Variants in WDR49 observed in about 807,000 individuals in gnomAD.
The protein encoded by WDR49 is WD repeat domain 49.
WDR49 carries 107 observed loss-of-function variants against 119.5 expected under a neutral mutation model. That is an observed-to-expected ratio of 0.90 (90% CI 0.77 to 1.05). The LOEUF is 1.05. WDR49 is among the 50% of genes least tolerant of loss of function. WDR49 has a pLI of 0.00. For missense variants in WDR49, 1,240 were observed against 1,220.5 expected (o/e 1.02, Z -0.24); for synonymous variants, 425 against 418.8 (o/e 1.01, Z -0.18).
Position 167,576,024 on chromosome 3 carries a change from A to C in WDR49, c.1403T>G (p.Phe468Cys). Residue 468 changes from phenylalanine (F) to cysteine (C), a missense_variant, in exon 8 of 19, where the codon TTT becomes TGT. Coordinates refer to ENST00000682715, the MANE Select transcript of WDR49 (RefSeq NM_001366157.1). The part of the protein sequence containing the change: ...DEAHGRLFIS[F>C]NNQLALLAMK... ...TGCCAACAATGCTAGCTGGTTATTA[A>C]ACGAGATGAAAAGTCGTCCATGGGC... 1 of 1,614,146 alleles carries C rather than the reference A, an allele frequency of 6.2e-7. No homozygotes were observed. Among genetic ancestry groups the C allele is most frequent in the Non-Finnish European group, 8.5e-7 (1 of 1,180,022 alleles).
At chr3:167,539,611 G>A (rs1017409288) in intron 10 of WDR49, among the ~76,000 whole-genome samples, 4 of 151,954 alleles carry the variant, frequency 2.6e-5, no homozygotes, top group South Asian at 2.1e-4. Context: ...ATCTGTAACC[G>A]TACAGTAGCA....
intron 16 of WDR49, among the ~76,000 whole-genome samples, chr3:167,508,810 G>A (rs540953623): frequency 6.6e-5 from 10 of 152,226 alleles, no homozygotes; most frequent in Admixed American, 2.6e-4. Flanking sequence ...CTGCCAATTC[G>A]TCAAGTATTT....
chr3:167,595,448 A>G (rs1715369284), intron 7 of WDR49, among the ~76,000 whole-genome samples: 1 of 152,236 alleles, frequency 6.6e-6, no homozygotes, highest in Admixed American at 6.5e-5. Flanking sequence ...TGGAGGCATC[A>G]CACTACCTGA....
intron 16 of WDR49, among the ~76,000 whole-genome samples, chr3:167,515,292 A>G (rs1355915956): frequency 1.3e-5 from 2 of 152,142 alleles, no homozygotes; most frequent in African/African-American, 2.4e-5. Context: ...ATCCACCACA[A>G]TCAAGTTGGC....
At chr3:167,620,240 A>G (rs1334945278) in intron 5 of WDR49, among the ~76,000 whole-genome samples, 189 bp downstream of exon 5, 2 of 152,066 alleles carry the variant, frequency 1.3e-5, no homozygotes, top group African/African-American at 4.8e-5. Flanking sequence ...ATAAATTCAG[A>G]AGGAAAAAAA....
intron 17 of WDR49, among the ~76,000 whole-genome samples, chr3:167,502,444 G>A (rs922194452): frequency 2.0e-5 from 3 of 152,216 alleles, no homozygotes; most frequent in Non-Finnish European, 4.4e-5. Context: ...ATGGGCAGAC[G>A]TTGGAAGAGT....
intron 9 of WDR49, 108 bp from the exon 10 acceptor site, chr3:167,554,906 A>T (rs1712833705): frequency 1.2e-6 from 1 of 820,930 alleles, no homozygotes; most frequent in African/African-American, 1.8e-5. Context: ...AAATCAACTC[A>T]TCATTGAATT....
At chr3:167,654,274 T>C (rs911653991), upstream of WDR49, among the ~76,000 whole-genome samples, 4 of 152,168 alleles carry the variant, frequency 2.6e-5, no homozygotes, top group Admixed American at 6.5e-5. Flanking sequence ...TGTTTTATTT[T>C]TATATAAAAG....
chr3:167,593,742 T>C (rs944383515), intron 7 of WDR49, among the ~76,000 whole-genome samples: 12 of 152,088 alleles, frequency 7.9e-5, no homozygotes, highest in Admixed American at 7.9e-4. Flanking sequence ...TTGGTAGCTA[T>C]CTGATATGGT....
intron 18 of WDR49, among the ~76,000 whole-genome samples, chr3:167,482,775 A>C (rs1277051760): frequency 2.0e-5 from 3 of 152,164 alleles, no homozygotes; most frequent in Non-Finnish European, 2.9e-5. Flanking sequence ...GCAGAAGTAA[A>C]ATGGAAACAA....
chr3:167,594,670 C>T (rs6801479), intron 7 of WDR49, among the ~76,000 whole-genome samples: 1,878 of 152,166 alleles, frequency 0.012, 33 homozygotes, highest in African/African-American at 0.043. Context: ...TTCAACAACC[C>T]TTCATGCTAA....
chr3:167,508,420 A>G (rs1407412425), intron 16 of WDR49, among the ~76,000 whole-genome samples: 1 of 152,146 alleles, frequency 6.6e-6, no homozygotes, highest in Non-Finnish European at 1.5e-5. Flanking sequence ...AAGTTGTGAA[A>G]TGGGGATGAC....
At chr3:167,514,559 G>A (rs1442026045) in intron 16 of WDR49, among the ~76,000 whole-genome samples, 5 of 150,918 alleles carry the variant, frequency 3.3e-5, no homozygotes, top group African/African-American at 9.8e-5. Flanking sequence ...AGAACCAAGA[G>A]CAAACAGACC....
At chr3:167,514,488 C>T (rs1173026481) in intron 16 of WDR49, among the ~76,000 whole-genome samples, 1 of 151,924 alleles carries the variant, frequency 6.6e-6, no homozygotes, top group Non-Finnish European at 1.5e-5. Flanking sequence ...CACTAAATGC[C>T]CACATCAAAA....
At chr3:167,497,254 G>A (rs1383549400) in intron 18 of WDR49, among the ~76,000 whole-genome samples, 1 of 152,068 alleles carries the variant, frequency 6.6e-6, no homozygotes, top group Non-Finnish European at 1.5e-5. Flanking sequence ...TCACAAGTTG[G>A]TGAAGCTTTT....
chr3:167,481,085 C>T (rs925220193), intron 18 of WDR49, among the ~76,000 whole-genome samples: 2 of 148,724 alleles, frequency 1.3e-5, no homozygotes, highest in South Asian at 2.1e-4. Flanking sequence ...AAAAAATCAC[C>T]TCATTAAAGC....
At chr3:167,653,560 G>T in intron 1 of WDR49, 61 bp from the exon 2 acceptor site, 2 of 1,100,090 alleles carry the variant, frequency 1.8e-6, no homozygotes, top group Non-Finnish European at 2.4e-6. Context: ...ACCTTTCAAG[G>T]CATACGATCA....
chr3:167,489,419 C>A (rs564736336), intron 18 of WDR49, among the ~76,000 whole-genome samples: 1 of 152,168 alleles, frequency 6.6e-6, no homozygotes, highest in Admixed American at 6.6e-5. Flanking sequence ...CAACCAAGTT[C>A]TTAAAAATTA....
At chr3:167,532,778 A>T in intron 12 of WDR49, 101 bp downstream of exon 12, 1 of 716,876 alleles carries the variant, frequency 1.4e-6, no homozygotes, top group Non-Finnish European at 2.3e-6. Flanking sequence ...ATAGCCAATC[A>T]TCTATAATTT....
Sources: allele counts gnomAD v4.1 joint callset (sites outside exome capture counted in the v4.1 genomes callset), GRCh38; gene constraint gnomAD v4.1.1; transcripts MANE v1.5; gene names NCBI Gene and HGNC (gene_info 2026-07-23, HGNC 2026-07-21).